Variants in ATP6V0A2 observed in about 807,000 individuals in gnomAD.
ATP6V0A2 encodes V-type proton ATPase 116 kDa subunit a 2.
In ATP6V0A2, 58 loss-of-function variants were observed where a neutral mutation model predicts 104.4. That is an observed-to-expected ratio of 0.56 (90% CI 0.45 to 0.69). ATP6V0A2 has a LOEUF of 0.69. Among genes scored for constraint, ATP6V0A2 ranks in the 30% least tolerant of loss-of-function variants. The pLI is 0.00. For missense variants in ATP6V0A2, 938 were observed against 1,062.9 expected, an observed-to-expected ratio of 0.88 and a Z score of 1.63; for synonymous variants, 376 against 397.9, an observed-to-expected ratio of 0.95 and a Z score of 0.65.
At chr12:123,716,256 G>A (rs1449299276) in intron 1 of ATP6V0A2, among the ~76,000 whole-genome samples, 8 of 151,866 alleles carry the variant, frequency 5.3e-5, no homozygotes, top group Non-Finnish European at 1.2e-4. Context: ...TAGTAGAGAC[G>A]GGGTTTCACC....
intron 18 of ATP6V0A2, 164 bp downstream of exon 18, chr12:123,754,701 A>G (rs1240243180): frequency 1.6e-5 from 10 of 633,730 alleles, no homozygotes; most frequent in East Asian, 2.8e-5. Flanking sequence ...TCTCTTGGCT[A>G]TTTCTTTTGG....
Position 123,752,388 on chromosome 12 carries a change from A to G in ATP6V0A2, c.2161A>G (p.Met721Val), listed in dbSNP as rs755762890. ...NHQVEDGCRE[M>V]ACEEFNFGEI... ...CCAGGTGGAAGATGGATGTAGAGAA[A>G]TGGCGTGTGAAGAGGTAAATCTTTT... Residue 721 changes from methionine (M) to valine (V), a missense_variant, in exon 17 of 20, where the codon ATG (methionine) becomes GTG (valine). Met to Val is a conservative substitution (Grantham distance 21). Transcript: ENST00000330342. 1.2e-6 allele frequency: 2 copies of G among 1,614,148 alleles called. No homozygotes were observed. Among genetic ancestry groups the G allele is most frequent in the South Asian group, 1.1e-5 (1 of 91,082 alleles).
intron 7 of ATP6V0A2, 152 bp from the exon 8 acceptor site, chr12:123,735,379 A>G (rs753440687): frequency 2.8e-6 from 2 of 711,114 alleles, no homozygotes; most frequent in Non-Finnish European, 5.0e-6. Flanking sequence ...ATCTGTATGC[A>G]CAGCCCGACC....
intron 9 of ATP6V0A2, among the ~76,000 whole-genome samples, chr12:123,741,381 G>T (rs1201054645): frequency 6.6e-6 from 1 of 152,024 alleles, no homozygotes; most frequent in African/African-American, 2.4e-5. Flanking sequence ...AACCCCAGAG[G>T]CGGAGGTTTA....
rs887215829 is a variant in ATP6V0A2 at position 123,718,633 on chromosome 12, A to G, written c.128A>G (p.Asn43Ser). ...TCATCCTTTTCTCAGCTCAACCAGA[A>G]CGTAAGTTCTTTCCAAAGAAAATTT... ...GLVQFRDLNQNVSSFQRKFVG... is the reference protein window; with the variant it reads ...GLVQFRDLNQSVSSFQRKFVG... Residue 43 changes from asparagine to serine, a missense_variant, in exon 2 of 20, where the codon AAC becomes AGC. Coordinates refer to ENST00000330342, the MANE Select transcript of ATP6V0A2 (RefSeq NM_012463.4). 1 of 1,611,614 alleles carries G rather than the reference A, an allele frequency of 6.2e-7. No homozygotes were observed. The highest frequency in any genetic ancestry group is 1.7e-5 in the Admixed American group (1 of 59,988).
chr12:123,743,385 T>C (rs992543208), intron 9 of ATP6V0A2, among the ~76,000 whole-genome samples: 1 of 151,856 alleles, frequency 6.6e-6, no homozygotes, highest in Non-Finnish European at 1.5e-5. Context: ...CTGGGCACGG[T>C]GCTCACACCT....
At chr12:123,749,113 G>T (rs1956690763) in intron 15 of ATP6V0A2, among the ~76,000 whole-genome samples, 1 of 152,100 alleles carries the variant, frequency 6.6e-6, no homozygotes, top group Admixed American at 6.6e-5. Flanking sequence ...AACACAGCAA[G>T]ACCTCATCTC....
At chr12:123,736,383 G>A (rs1231696510) in intron 8 of ATP6V0A2, among the ~76,000 whole-genome samples, 1 of 151,250 alleles carries the variant, frequency 6.6e-6, no homozygotes, top group African/African-American at 2.4e-5. Context: ...TAGTAGAGAC[G>A]GGGTTTCACC....
chr12:123,754,375 A>G lies in ATP6V0A2; in HGVS notation c.2176-45A>G, dbSNP rs372041842. ...ACCCACTTGGCATGTAGAAGTACAC[A>G]TGTAACATCATGACTCTTAACATAT... On this transcript the variant is annotated intron_variant, in intron 17 of 19. Coordinates refer to ENST00000330342, the MANE Select transcript of ATP6V0A2 (RefSeq NM_012463.4). The G allele has an allele frequency of 4.0e-5, 56 of 1,416,346 alleles. No individual in the cohort carries two copies. The South Asian group carries it at 4.4e-4, about 11-fold the overall frequency. 87.7% of individuals were successfully genotyped at this position (1,416,346 alleles called of 1,614,324 possible). A position where few individuals can be genotyped will look rare whatever the true frequency, so the allele number is the denominator to read the frequency against.
intron 6 of ATP6V0A2, among the ~76,000 whole-genome samples, chr12:123,729,809 T>C (rs1218129106): frequency 3.3e-5 from 5 of 151,978 alleles, no homozygotes; most frequent in African/African-American, 4.8e-5. Flanking sequence ...CTGTGATTGA[T>C]TGATTGATTG....
intron 4 of ATP6V0A2, among the ~76,000 whole-genome samples, chr12:123,725,580 C>T (rs912859041): frequency 6.6e-6 from 1 of 152,024 alleles, no homozygotes; most frequent in African/African-American, 2.4e-5. Context: ...GAGTTCAAGA[C>T]CAGCCTGAAC....
Position 123,718,701 on chromosome 12 carries a change from G to T in ATP6V0A2, c.196G>T (p.Val66Leu). ...GTGTGAAGAGCTAGAGCGAATATTG[G>T]GTAAGTTTATTTTCTGATTTAACAA... ...KRCEELERIL[V>L]YLVQEINRAD... is the part of the protein sequence containing the mutation. Residue 66 changes from valine (V) to leucine (L), a missense_variant and splice_region_variant, in exon 2 of 20, where the codon GTG becomes TTG. Val to Leu is a conservative substitution (Grantham distance 32). Coordinates refer to ENST00000330342, the MANE Select transcript of ATP6V0A2 (RefSeq NM_012463.4). 6.2e-7 allele frequency: 1 copy of T among 1,606,244 alleles called. No homozygotes were observed. The highest frequency in any genetic ancestry group is 1.1e-5 in the South Asian group (1 of 89,864).
In ATP6V0A2 at chr12:123,737,079, C is replaced by A. The variant is rs1479863431; in HGVS notation, c.846C>A (p.Asp282Glu). 1 of 1,614,190 alleles carries A rather than the reference C, an allele frequency of 6.2e-7. No homozygotes were observed. Among genetic ancestry groups the A allele is most frequent in the East Asian group, 2.2e-5 (1 of 44,896 alleles). Residue 282 changes from aspartate to glutamate, a missense_variant, in exon 9 of 20, where the codon GAC becomes GAA. Transcript: ENST00000330342. ...DLYTVLHKTEDYLRQVLCKAA... is the reference protein window; with the variant it reads ...DLYTVLHKTEEYLRQVLCKAA... Reference sequence around the variant, plus strand: ...CCCAGGTACTGCACAAAACCGAGGACTATTTGAGGCAAGTGCTATGTAAAG... The same window carrying A: ...CCCAGGTACTGCACAAAACCGAGGAATATTTGAGGCAAGTGCTATGTAAAG...
chr12:123,733,776 G>C (rs1349852143), intron 6 of ATP6V0A2, 150 bp from the exon 7 acceptor site: 1 of 680,964 alleles, frequency 1.5e-6, no homozygotes, highest in Non-Finnish European at 2.6e-6. Context: ...ACTACAAGTA[G>C]GTGAATTCGT....
rs778852157 is a variant in ATP6V0A2, at chr12:123,752,295, C to G, written c.2068C>G (p.Leu690Val). Residue 690 changes from leucine (L) to valine (V), a missense_variant, in exon 17 of 20, where the codon CTT becomes GTT. By Grantham distance (32) the Leu-to-Val change is conservative. Transcript: ENST00000330342. ...CFGVNRSGYT[L>V]IRKDSEEEVS... ...TTTTGGTTGTTAGAGTGGCTACACACTTATAAGGAAAGATAGTGAGGAAGA... is the reference window on the plus strand; with the variant it reads ...TTTTGGTTGTTAGAGTGGCTACACAGTTATAAGGAAAGATAGTGAGGAAGA... 4 of 1,614,022 alleles carry G rather than the reference C, an allele frequency of 2.5e-6. No individual in the cohort carries two copies. The South Asian group carries it at 4.4e-5, about 18-fold the overall frequency.
chr12:123,749,978 G>C (rs931962073), intron 15 of ATP6V0A2: 1 of 152,112 alleles, frequency 6.6e-6, no homozygotes, highest in Non-Finnish European at 1.5e-5. Context: ...GCATATTTGC[G>C]TTCTTTTTGA....
intron 2 of ATP6V0A2, among the ~76,000 whole-genome samples, chr12:123,719,158 A>G (rs1956372738): frequency 6.6e-6 from 1 of 152,242 alleles, no homozygotes; most frequent in Admixed American, 6.5e-5. Context: ...GGAGGCGGGA[A>G]ATGGAAGATA....
chr12:123,743,847 C>T lies in ATP6V0A2; in HGVS notation c.1101C>T (p.Pro367=), dbSNP rs760912373. ...MNIIPTKETP[P]TRIRTNKFTE... ...TAATCCCCACAAAAGAAACACCCCC[C>T]ACTCGGATCCGCACCAACAAATTCA... Residue 367 remains proline, a synonymous_variant, in exon 10 of 20, where the codon CCC becomes CCT. Coordinates refer to ENST00000330342, the MANE Select transcript of ATP6V0A2 (RefSeq NM_012463.4). The T allele has an allele frequency of 3.1e-6, 5 of 1,614,038 alleles. No individual in the cohort carries two copies. Among genetic ancestry groups the T allele is most frequent in the Admixed American group, 1.7e-5 (1 of 60,002 alleles).
chr12:123,740,775 G>A (rs969548637), intron 9 of ATP6V0A2, among the ~76,000 whole-genome samples: 3 of 152,008 alleles, frequency 2.0e-5, no homozygotes, highest in Admixed American at 6.6e-5. Context: ...TCCTCTTCGC[G>A]CCTTCTGTTT....
Sources: gnomAD v4.1 joint callset for allele counts (sites outside exome capture counted in the v4.1 genomes callset) on GRCh38, gnomAD v4.1.1 for gene constraint, MANE v1.5 for transcripts, NCBI Gene and HGNC (gene_info 2026-07-23, HGNC 2026-07-21) for gene names.